The following TMEM114 variants were observed in gnomAD, a reference collection of about 807,000 sequenced individuals.
TMEM114 encodes claudin-26.
Under a neutral mutation model 6.2 loss-of-function variants are expected in TMEM114, and 6 were observed. That is an observed-to-expected ratio of 0.97 (90% CI 0.53 to 1.91). The LOEUF is 1.91. TMEM114 is among the 40% of genes most tolerant of loss of function. The pLI is 0.01. For synonymous variants in TMEM114, 104 were observed against 73.0 expected, an observed-to-expected ratio of 1.42 and a Z score of -2.16; for missense variants, 218 against 158.3, an observed-to-expected ratio of 1.38 and a Z score of -2.02.
At chr16:8,563,098 G>GGAAT (rs1901336370) in intron 2 of TMEM114, among the ~76,000 whole-genome samples, 1 of 148,602 alleles carries the variant, frequency 6.7e-6, no homozygotes, top group Admixed American at 6.7e-5. Flanking sequence ...AGTGAGGGAG[G>GGAAT]GAGGGAATGA....
chr16:8,576,318 T>A (rs1406343676), intron 2 of TMEM114, among the ~76,000 whole-genome samples: 2 of 152,092 alleles, frequency 1.3e-5, no homozygotes, highest in Non-Finnish European at 2.9e-5. Context: ...CCTCAGACCC[T>A]CCAAAGACAC....
intron 2 of TMEM114, among the ~76,000 whole-genome samples, chr16:8,559,688 TCGATGTTC>T (rs1901136955): frequency 2.6e-5 from 4 of 152,164 alleles, no homozygotes; most frequent in Non-Finnish European, 4.4e-5. Context: ...GGGACAGACG[TCGATGTTC>T]TAACAGAATC....
intron 2 of TMEM114, among the ~76,000 whole-genome samples, chr16:8,577,572 A>ATTTAGTT (rs1901983396): frequency 6.7e-6 from 1 of 149,052 alleles, no homozygotes; most frequent in South Asian, 2.1e-4. Flanking sequence ...TTCTTTTTTG[A>ATTTAGTT]TTTTGTTTTT....
chr16:8,561,903 AG>A (rs1901226917), intron 2 of TMEM114, among the ~76,000 whole-genome samples: 1 of 74,840 alleles, frequency 1.3e-5, no homozygotes, highest in African/African-American at 5.6e-5. Context: ...TGAGTAAATG[AG>A]TGAATGAATG....
At chr16:8,539,874 G>C (rs2141647770) in intron 2 of TMEM114, among the ~76,000 whole-genome samples, 1 of 152,226 alleles carries the variant, frequency 6.6e-6, no homozygotes, top group East Asian at 1.9e-4. Flanking sequence ...CTGGAATGCA[G>C]TGAAACAATC....
chr16:8,564,322 TGAGTTAGA>T (rs1901437594), intron 2 of TMEM114, among the ~76,000 whole-genome samples: 1 of 145,864 alleles, frequency 6.9e-6, no homozygotes, highest in Admixed American at 6.8e-5. Flanking sequence ...AGTGAATGAG[TGAGTTAGA>T]GAATGAGTCA....
At chr16:8,551,525 C>T (rs979706900) in intron 2 of TMEM114, among the ~76,000 whole-genome samples, 3 of 152,086 alleles carry the variant, frequency 2.0e-5, no homozygotes, top group Admixed American at 1.3e-4. Context: ...AACAGTTGGC[C>T]CCAAACTCAA....
chr16:8,552,386 T>C (rs909732600), intron 2 of TMEM114, among the ~76,000 whole-genome samples: 1 of 150,874 alleles, frequency 6.6e-6, no homozygotes, highest in Non-Finnish European at 1.5e-5. Context: ...TCTATTTCTT[T>C]AAAAGAAAAA....
chr16:8,566,711 C>G (rs1222803586), downstream of TMEM114, among the ~76,000 whole-genome samples: 1 of 152,176 alleles, frequency 6.6e-6, no homozygotes, highest in Non-Finnish European at 1.5e-5. Context: ...TCATTTCCCT[C>G]TAACACAGAA....
chr16:8,558,129 T>C (rs1901074319), intron 2 of TMEM114, among the ~76,000 whole-genome samples: 1 of 152,106 alleles, frequency 6.6e-6, no homozygotes, highest in African/African-American at 2.4e-5. Context: ...GGTGCATGCT[T>C]GTAATCCCAG....
rs77757090 is a variant in TMEM114 at position 8,544,248 on chromosome 16, G to C, written n.213-6422C>G. On this transcript the variant is annotated intron_variant and non_coding_transcript_variant, in intron 2 of 2. Coordinates refer to the TMEM114 transcript ENST00000623677. ...GCTTTATGTCTTGCTTAACAGATAA[G>C]CACAGCTTTTGGATAAATAACAAGT... 7.2e-5 allele frequency among the ~76,000 whole-genome samples: 11 copies of C among 152,272 alleles called. No individual in the cohort carries two copies. In the East Asian group the frequency reaches 2.1e-3, roughly 29 times the overall value.
chr16:8,541,089 T>C (rs1900503869), intron 2 of TMEM114, among the ~76,000 whole-genome samples: 1 of 152,124 alleles, frequency 6.6e-6, no homozygotes, highest in Non-Finnish European at 1.5e-5. Context: ...ATGATAATAA[T>C]GACCACAAAT....
downstream of TMEM114, among the ~76,000 whole-genome samples, chr16:8,568,565 G>A (rs180821459): frequency 3.3e-5 from 5 of 152,294 alleles, no homozygotes; most frequent in South Asian, 4.1e-4. Flanking sequence ...CAGTGTTGAC[G>A]TCATGGTGAT....
At chr16:8,565,288 G>A (rs985242427), downstream of TMEM114, among the ~76,000 whole-genome samples, 1 of 152,302 alleles carries the variant, frequency 6.6e-6, no homozygotes, top group East Asian at 1.9e-4. Flanking sequence ...GACTGAATGC[G>A]TGCATGAATA....
Position 8,590,027 on chromosome 16 carries a change from C to T in TMEM114, c.-189G>A. On this transcript the variant is annotated 5_prime_UTR_variant, in exon 1 of 4. Transcript: ENST00000620492. ...TAGACCCTGGCTCCTCACCTGCCGG[C>T]TCCGACCTGCACGCGCCCCCCGCTC... 2.6e-6 allele frequency: 1 copy of T among 381,166 alleles called. No homozygotes were observed. The highest frequency in any genetic ancestry group is 4.6e-6 in the Non-Finnish European group (1 of 215,676). 23.6% of individuals were successfully genotyped at this position (381,166 alleles called of 1,614,324 possible). A position where few individuals can be genotyped will look rare whatever the true frequency, so the allele number is the denominator to read the frequency against.
intron 2 of TMEM114, among the ~76,000 whole-genome samples, chr16:8,562,685 T>G (rs1901299705): frequency 6.6e-6 from 1 of 151,240 alleles, no homozygotes; most frequent in South Asian, 2.1e-4. Flanking sequence ...AATGAGTGAG[T>G]GAGGGAATGA....
chr16:8,569,285 C>T (rs1324767229), downstream of TMEM114, among the ~76,000 whole-genome samples: 1 of 152,094 alleles, frequency 6.6e-6, no homozygotes, highest in Non-Finnish European at 1.5e-5. Flanking sequence ...CTAACCTGAC[C>T]CCGTAGAAAG....
At chr16:8,567,307 T>A (rs1316070831), downstream of TMEM114, among the ~76,000 whole-genome samples, 4 of 152,176 alleles carry the variant, frequency 2.6e-5, no homozygotes, top group Non-Finnish European at 4.4e-5. Context: ...CCATGTGAGC[T>A]AGGAAGGGTG....
At chr16:8,549,052 T>C (rs1437685020) in intron 2 of TMEM114, among the ~76,000 whole-genome samples, 1 of 151,854 alleles carries the variant, frequency 6.6e-6, no homozygotes, top group African/African-American at 2.4e-5. Flanking sequence ...CATGGCAGCA[T>C]GCGCCTGCAG....
Sources: gnomAD v4.1 joint callset for allele counts (sites outside exome capture counted in the v4.1 genomes callset) on GRCh38, gnomAD v4.1.1 for gene constraint, MANE v1.5 for transcripts, NCBI Gene and HGNC (gene_info 2026-07-23, HGNC 2026-07-21) for gene names.